PSME3IP1: variants seen among roughly 807,000 people sequenced by gnomAD.
The protein encoded by PSME3IP1 is PSME3-interacting protein.
A neutral mutation model predicts 34.1 loss-of-function variants in PSME3IP1; 13 were observed. The ratio of observed to expected loss-of-function variants is 0.38; its 90% CI spans 0.25 to 0.61. PSME3IP1 has a LOEUF of 0.61. PSME3IP1 is among the 20% of genes least tolerant of loss of function. The pLI is 0.60. For missense variants in PSME3IP1, 237 were observed against 301.4 expected (o/e 0.79, Z 1.58); for synonymous variants, 93 against 114.3 (o/e 0.81, Z 1.19).
In PSME3IP1 at chr16:57,172,761, T is replaced by G. The variant is rs1567418649; in HGVS notation, c.226+15A>C. On this transcript the variant is annotated intron_variant, in intron 3 of 6. Transcript: ENST00000309137. Reference sequence around the variant, plus strand: ...CCCACAGAGCCCCTTGAACTCTCTGTTTTCTGAAGCTTACTGAATTTGAAC... The same window carrying G: ...CCCACAGAGCCCCTTGAACTCTCTGGTTTCTGAAGCTTACTGAATTTGAAC... 6.3e-7 allele frequency: 1 copy of G among 1,593,914 alleles called. No individual in the cohort carries two copies. The highest frequency in any genetic ancestry group is 8.6e-7 in the Non-Finnish European group (1 of 1,161,918).
chr16:57,167,784 C>T (rs895964643), intron 4 of PSME3IP1, among the ~76,000 whole-genome samples: 2 of 152,044 alleles, frequency 1.3e-5, no homozygotes, highest in African/African-American at 2.4e-5. Context: ...TCTAGAGGCC[C>T]GGGAGTTTGT....
intron 1 of PSME3IP1, among the ~76,000 whole-genome samples, chr16:57,180,585 C>G (rs1207779280): frequency 6.6e-6 from 1 of 150,930 alleles, no homozygotes; most frequent in African/African-American, 2.4e-5. Context: ...GAGCAAGACT[C>G]CGTCTCAGAA....
At chr16:57,172,136 G>T (rs1443071324) in intron 4 of PSME3IP1, 115 bp downstream of exon 4, 3 of 1,089,740 alleles carry the variant, frequency 2.8e-6, no homozygotes, top group East Asian at 2.4e-5. Context: ...TGTTCAAAGG[G>T]ACTTGAGAGA....
chr16:57,175,841 T>G (rs2073122374), intron 1 of PSME3IP1: 1 of 152,246 alleles, frequency 6.6e-6, no homozygotes, highest in African/African-American at 2.4e-5. Flanking sequence ...TCATGCAACA[T>G]TTTTATTTAG....
At position 57,184,159 on chromosome 16, in the gene PSME3IP1, T is replaced by A. The variant is rs1277047578; in HGVS notation, c.-16+1662A>T. On this transcript the variant is annotated intron_variant, in intron 1 of 6. Coordinates refer to ENST00000309137, the MANE Select transcript of PSME3IP1 (RefSeq NM_024946.4). ...CGAGTTTAATAACAATGGAAATAACTTGAGAATAAATTATCCAGAATGTAC... is the reference window on the plus strand; with the variant it reads ...CGAGTTTAATAACAATGGAAATAACATGAGAATAAATTATCCAGAATGTAC... 2.0e-5 allele frequency among the ~76,000 whole-genome samples: 3 copies of A among 152,060 alleles called. No homozygotes were observed. In the East Asian group the frequency reaches 5.8e-4, roughly 29 times the overall value.
intron 1 of PSME3IP1, among the ~76,000 whole-genome samples, chr16:57,179,523 T>C (rs1371538284): frequency 6.6e-6 from 1 of 152,334 alleles, no homozygotes; most frequent in East Asian, 1.9e-4. Flanking sequence ...AAAACTTACA[T>C]TGTTGCTCCC....
chr16:57,186,071 C>T (rs1451914230), upstream of PSME3IP1: 3 of 985,386 alleles, frequency 3.0e-6, no homozygotes, highest in Non-Finnish European at 3.6e-6. Context: ...CGACGTAACC[C>T]AATCCGCGGA....
intron 3 of PSME3IP1, 41 bp from the exon 4 acceptor site, chr16:57,172,413 G>A (rs2072693036): frequency 6.3e-7 from 1 of 1,588,464 alleles, no homozygotes; most frequent in South Asian, 1.1e-5. Context: ...GCAGGCTAAA[G>A]GGAAAAATAA....
intron 1 of PSME3IP1, among the ~76,000 whole-genome samples, chr16:57,180,727 G>T (rs780491483): frequency 6.6e-6 from 1 of 152,076 alleles, no homozygotes; most frequent in Non-Finnish European, 1.5e-5. Context: ...AAGATGGTGA[G>T]ACCCCAACTC....
chr16:57,178,868 G>C, intron 1 of PSME3IP1: 1 of 915,084 alleles, frequency 1.1e-6, no homozygotes, highest in Non-Finnish European at 1.3e-6. Context: ...AGAAAGAGGT[G>C]ATAAGTACCT....
chr16:57,174,934 G>A (rs80135280), intron 1 of PSME3IP1: 8,189 of 152,556 alleles, frequency 0.054, 310 homozygotes, highest in Non-Finnish European at 0.084. Context: ...GAAGATTACC[G>A]AATCTGTTAT....
chr16:57,157,081 G>C lies in PSME3IP1; in HGVS notation c.548-2574C>G, dbSNP rs138337805. ...CCAGCACTTTGGGAGGCCAAGGCAG[G>C]AGGATCATTTGAGCCCAGGAGTTTG... On this transcript the variant is annotated intron_variant, in intron 6 of 6. Coordinates refer to ENST00000309137, the MANE Select transcript of PSME3IP1 (RefSeq NM_024946.4). Among the ~76,000 whole-genome samples, 76 of 152,274 alleles carry C rather than the reference G, an allele frequency of 5.0e-4. 1 individual carries two copies. The East Asian group carries it at 0.014, about 28-fold the overall frequency.
intron 1 of PSME3IP1, among the ~76,000 whole-genome samples, chr16:57,179,441 A>G (rs2073493542): frequency 6.6e-6 from 1 of 152,226 alleles, no homozygotes; most frequent in Non-Finnish European, 1.5e-5. Flanking sequence ...AGACCGTCCC[A>G]TTTAATTTCC....
chr16:57,168,383 C>T (rs1054457354), intron 4 of PSME3IP1, among the ~76,000 whole-genome samples: 12 of 152,062 alleles, frequency 7.9e-5, no homozygotes, highest in African/African-American at 2.9e-4. Context: ...CACAAGTTAC[C>T]TTAAATATTT....
At position 57,154,375 on chromosome 16, in the gene PSME3IP1, C is replaced by G. The variant is rs2070262351; in HGVS notation, c.680G>C (p.Ser227Thr). The G allele has an allele frequency of 6.2e-7, 1 of 1,614,086 alleles. No homozygotes were observed. Among genetic ancestry groups the G allele is most frequent in the Non-Finnish European group, 8.5e-7 (1 of 1,180,012 alleles). ...AYSGSSDSESSSDSEGTINAT... is the reference protein window; with the variant it reads ...AYSGSSDSESTSDSEGTINAT... ...ATTGATGGTGCCTTCGCTGTCTGAG[C>G]TGGACTCGGAGTCGCTGCTCCCAGA... Residue 227 changes from serine to threonine, a missense_variant, in exon 7 of 7, where the codon AGC (serine) becomes ACC (threonine). Ser to Thr is a moderately conservative substitution (Grantham distance 58, BLOSUM62 1). Transcript: ENST00000309137. This position sits in a 1 kb window ranked among gnomAD's most constrained non-coding sequence, Gnocchi z 4.0.
intron 1 of PSME3IP1, among the ~76,000 whole-genome samples, chr16:57,181,032 G>A (rs955670549): frequency 8.5e-6 from 1 of 118,074 alleles, no homozygotes; most frequent in Non-Finnish European, 1.7e-5. Flanking sequence ...GCACAAGACC[G>A]ACCTTGCCTG....
intron 6 of PSME3IP1, among the ~76,000 whole-genome samples, chr16:57,158,140 T>TG (rs1325682769): frequency 1.3e-5 from 2 of 152,128 alleles, no homozygotes; most frequent in African/African-American, 4.8e-5. Context: ...ATGGCTAATT[T>TG]GGGGGGAAGG....
rs2072674432 is a variant in PSME3IP1, at chr16:57,172,264, A to C, written c.335T>G (p.Leu112Arg). 1.2e-6 allele frequency: 2 copies of C among 1,613,028 alleles called. No homozygotes were observed. Among genetic ancestry groups the C allele is most frequent in the Non-Finnish European group, 1.7e-6 (2 of 1,179,976 alleles). Residue 112 changes from leucine to arginine, a missense_variant, in exon 4 of 7, where the codon CTG (leucine) becomes CGG (arginine). Physicochemically the swap from Leu to Arg is moderately radical, Grantham distance 102. Coordinates refer to ENST00000309137, the MANE Select transcript of PSME3IP1 (RefSeq NM_024946.4). ...KQRREEELKE[L>R]KEYRNNLKKV... is the part of the protein sequence containing the mutation. ...TACAAAGGATATTCTGTATTCCTTC[A>C]GTTCTTTCAGTTCTTCTTCTCTTCG...
In PSME3IP1 at chr16:57,173,890, C is replaced by CA. The variant is rs149929436; in HGVS notation, c.-15-22dup. 3,248 of 1,588,012 alleles carry CA rather than the reference C, an allele frequency of 2.0e-3. 60 individuals carry two copies. The African/African-American group carries it at 0.039, about 19-fold the overall frequency. On this transcript the variant is annotated intron_variant, in intron 1 of 6. Coordinates refer to ENST00000309137, the MANE Select transcript of PSME3IP1 (RefSeq NM_024946.4). ...CCAATCTACAAAACAAAAACAAAAA[C>CA]AAAAAAAATCATTTCAAGTGAGAAC...
Sources: allele counts gnomAD v4.1 joint callset (sites outside exome capture counted in the v4.1 genomes callset), GRCh38; gene constraint gnomAD v4.1.1; non-coding constraint Gnocchi (gnomAD v3.1); transcripts MANE v1.5; gene names NCBI Gene and HGNC (gene_info 2026-07-23, HGNC 2026-07-21).